Variants in SPINT2 observed in about 807,000 individuals in gnomAD.
SPINT2 encodes serine peptidase inhibitor, Kunitz type 2, also known as kunitz-type protease inhibitor 2.
Under a neutral mutation model 30.1 loss-of-function variants are expected in SPINT2, and 18 were observed. That is an observed-to-expected ratio of 0.60 (90% CI 0.41 to 0.89). SPINT2 has a LOEUF of 0.89. Ranked by LOEUF, SPINT2 falls within the 40% of genes least tolerant of loss-of-function variation. SPINT2 has a pLI of 0.00. For synonymous variants in SPINT2, 139 were observed against 137.9 expected (o/e 1.01, Z -0.05); for missense variants, 276 against 334.3 (o/e 0.83, Z 1.36).
At chr19:38,266,168 A>G (rs908614804) in intron 1 of SPINT2, among the ~76,000 whole-genome samples, 1 of 152,162 alleles carries the variant, frequency 6.6e-6, no homozygotes, top group Admixed American at 6.6e-5. Flanking sequence ...GGTTGGGTTC[A>G]GGGAAAAGAC....
chr19:38,289,811 C>A, intron 4 of SPINT2: 1 of 426,624 alleles, frequency 2.3e-6, no homozygotes, highest in Non-Finnish European at 4.4e-6. Flanking sequence ...TGTTGCCCCG[C>A]CTCAGAGTTC....
At chr19:38,268,634 C>G (rs973462369) in intron 1 of SPINT2, among the ~76,000 whole-genome samples, 1 of 152,198 alleles carries the variant, frequency 6.6e-6, no homozygotes, top group African/African-American at 2.4e-5. Flanking sequence ...ACTGCTTGCC[C>G]TCTGTCTCTG....
At chr19:38,280,650 A>G (rs1968570059) in intron 1 of SPINT2, among the ~76,000 whole-genome samples, 1 of 152,034 alleles carries the variant, frequency 6.6e-6, no homozygotes, top group Non-Finnish European at 1.5e-5. Context: ...TTTTTCTCCT[A>G]CACACCCTCA....
At chr19:38,288,065 G>C (rs895039053) in intron 3 of SPINT2, 130 bp downstream of exon 3, 10 of 1,096,476 alleles carry the variant, frequency 9.1e-6, no homozygotes, top group Non-Finnish European at 1.4e-5. Flanking sequence ...GGCAAACCGG[G>C]GGCTCTGCCT....
intron 1 of SPINT2, among the ~76,000 whole-genome samples, chr19:38,268,243 AAG>A (rs1225646234): frequency 6.6e-6 from 1 of 152,096 alleles, no homozygotes; most frequent in East Asian, 1.9e-4. Flanking sequence ...GGGCCGGACA[AAG>A]AGTGTCCTGA....
At chr19:38,272,203 A>T (rs1968465834) in intron 1 of SPINT2, among the ~76,000 whole-genome samples, 1 of 152,194 alleles carries the variant, frequency 6.6e-6, no homozygotes, top group Non-Finnish European at 1.5e-5. Flanking sequence ...CCCATCTCAA[A>T]ACAATTTTAT....
chr19:38,276,387 A>C (rs1968518099), intron 1 of SPINT2, among the ~76,000 whole-genome samples: 1 of 152,104 alleles, frequency 6.6e-6, no homozygotes, highest in South Asian at 2.1e-4. Flanking sequence ...TCACGCCTGT[A>C]ATCCCAGCAC....
At chr19:38,271,232 C>T (rs1968451495) in intron 1 of SPINT2, among the ~76,000 whole-genome samples, 1 of 152,194 alleles carries the variant, frequency 6.6e-6, no homozygotes. Flanking sequence ...TGGCTCATGC[C>T]TGTAACCCCA....
intron 2 of SPINT2, among the ~76,000 whole-genome samples, chr19:38,285,032 T>G (rs1242662988): frequency 6.6e-6 from 1 of 152,128 alleles, no homozygotes; most frequent in Non-Finnish European, 1.5e-5. Context: ...TGGGTTATTT[T>G]TAATTGTGGG....
chr19:38,286,529 C>T (rs1049878929), intron 2 of SPINT2, among the ~76,000 whole-genome samples: 1 of 152,102 alleles, frequency 6.6e-6, no homozygotes, highest in Admixed American at 6.6e-5. Context: ...CGCCTGTAAT[C>T]CAGCACTTTG....
chr19:38,271,693 G>A (rs1005671275), intron 1 of SPINT2, among the ~76,000 whole-genome samples: 3 of 151,828 alleles, frequency 2.0e-5, no homozygotes, highest in Non-Finnish European at 2.9e-5. Context: ...AAAATTAGCC[G>A]GGTGCAGTGG....
At chr19:38,276,478 C>T (rs1968519399) in intron 1 of SPINT2, among the ~76,000 whole-genome samples, 1 of 151,884 alleles carries the variant, frequency 6.6e-6, no homozygotes, top group African/African-American at 2.4e-5. Flanking sequence ...CCTGTCTCTA[C>T]TAAAAATACA....
intron 1 of SPINT2, among the ~76,000 whole-genome samples, chr19:38,282,225 A>G (rs955836501): frequency 6.6e-6 from 1 of 152,230 alleles, no homozygotes; most frequent in Non-Finnish European, 1.5e-5. Flanking sequence ...ATATATCCCT[A>G]GTGGGTGAAA....
In SPINT2 at chr19:38,264,853, C is replaced by T; in HGVS notation, c.-40C>T. ...CCCGCACCTGATCGCGAGACCCCAA[C>T]GGCTGGTGGCGTCGCCTGCGCGTCT... On this transcript the variant is annotated 5_prime_UTR_variant, in exon 1 of 7. The change creates a new upstream start codon in the 5' untranslated region. Coordinates refer to ENST00000301244, the MANE Select transcript of SPINT2 (RefSeq NM_021102.4). The T allele has an allele frequency of 1.3e-6, 2 of 1,525,080 alleles. No homozygotes were observed. Among genetic ancestry groups the T allele is most frequent in the Non-Finnish European group, 1.8e-6 (2 of 1,139,176 alleles). The allele number at this position is 1,525,080 out of a possible 1,614,324, so 94.5% of individuals were successfully genotyped here. A position where few individuals can be genotyped will look rare whatever the true frequency, so the allele number is the denominator to read the frequency against.
At chr19:38,275,068 T>C (rs73930565) in intron 1 of SPINT2, among the ~76,000 whole-genome samples, 1,727 of 152,280 alleles carry the variant, frequency 0.011, 40 homozygotes, top group African/African-American at 0.04. Context: ...CGTTGAAAGC[T>C]GATCCAGATC....
intron 1 of SPINT2, among the ~76,000 whole-genome samples, chr19:38,266,308 G>T (rs891809083): frequency 1.3e-5 from 2 of 151,926 alleles, no homozygotes; most frequent in East Asian, 1.9e-4. Flanking sequence ...CCCGGGAGGC[G>T]GATGTTGCAG....
intron 1 of SPINT2, among the ~76,000 whole-genome samples, chr19:38,275,410 C>G (rs1002053519): frequency 1.3e-5 from 2 of 151,670 alleles, no homozygotes; most frequent in African/African-American, 4.9e-5. Context: ...CTGCAACCTC[C>G]GCCTCCTGAG....
chr19:38,276,458 A>G (rs773563859), intron 1 of SPINT2, among the ~76,000 whole-genome samples: 1 of 152,070 alleles, frequency 6.6e-6, no homozygotes, highest in South Asian at 2.1e-4. Context: ...TGTGGCTAAC[A>G]TGGTGAAACC....
At chr19:38,291,780 G>A (rs975572058) in intron 6 of SPINT2, 60 bp from the exon 7 acceptor site, 36 of 1,588,704 alleles carry the variant, frequency 2.3e-5, no homozygotes, top group South Asian at 1.3e-4. Context: ...CTTGGTGAGC[G>A]CCACTCTGGC....
Sources: gnomAD v4.1 joint callset for allele counts (sites outside exome capture counted in the v4.1 genomes callset) on GRCh38, gnomAD v4.1.1 for gene constraint, MANE v1.5 for transcripts, NCBI Gene and HGNC (gene_info 2026-07-23, HGNC 2026-07-21) for gene names.